Variants in SPOCK1 observed in about 807,000 individuals in gnomAD.
The protein encoded by SPOCK1 is testican-1.
A neutral mutation model predicts 55.3 loss-of-function variants in SPOCK1; 23 were observed. The observed-to-expected ratio is 0.42, with a 90% CI of 0.30 to 0.59. The LOEUF (loss-of-function observed/expected upper bound fraction) is 0.59, where lower values mean the gene tolerates loss of function less well. Ranked by LOEUF, SPOCK1 falls within the 20% of genes least tolerant of loss-of-function variation. The pLI is 0.22. For synonymous variants in SPOCK1, 226 were observed against 221.0 expected (o/e 1.02, Z -0.20); for missense variants, 499 against 552.5 (o/e 0.90, Z 0.97).
At chr5:136,988,838 G>A in intron 7 of SPOCK1, 195 bp from the exon 8 acceptor site, 1 of 495,798 alleles carries the variant, frequency 2.0e-6, no homozygotes, top group Non-Finnish European at 3.5e-6. Context: ...AAGTGAAATG[G>A]TTTAAAAGTC....
intron 2 of SPOCK1, among the ~76,000 whole-genome samples, chr5:137,492,118 T>C (rs1425179382): frequency 6.6e-6 from 1 of 152,064 alleles, no homozygotes; most frequent in Non-Finnish European, 1.5e-5. Context: ...CTACCATCCA[T>C]CAACAGTGGG....
chr5:137,033,529 C>T (rs3888550), intron 6 of SPOCK1, among the ~76,000 whole-genome samples: 17 of 152,130 alleles, frequency 1.1e-4, no homozygotes, highest in African/African-American at 3.9e-4. Context: ...TCACCTTGCA[C>T]GCTATCTGAA....
At chr5:137,449,886 C>CAAAAAAAAAAAAAAAA (rs562723108) in intron 2 of SPOCK1, among the ~76,000 whole-genome samples, 2 of 52,906 alleles carry the variant, frequency 3.8e-5, no homozygotes, top group Admixed American at 2.9e-4. Context: ...GATGCTGTCT[C>CAAAAAAAAAAAAAAAA]AAAAAAAAAA....
intron 3 of SPOCK1, among the ~76,000 whole-genome samples, chr5:137,241,912 C>T (rs909180617): frequency 6.6e-6 from 1 of 152,226 alleles, no homozygotes; most frequent in African/African-American, 2.4e-5. Flanking sequence ...AGCAGCTCCT[C>T]TTCTGGGAAT....
At chr5:137,328,501 C>T (rs1021692830) in intron 2 of SPOCK1, among the ~76,000 whole-genome samples, 2 of 152,216 alleles carry the variant, frequency 1.3e-5, no homozygotes, top group Non-Finnish European at 2.9e-5. Flanking sequence ...GGAGTTCACA[C>T]AGACAAAGCA....
intron 5 of SPOCK1, among the ~76,000 whole-genome samples, chr5:137,095,181 G>A (rs1753121266): frequency 6.6e-6 from 1 of 152,092 alleles, no homozygotes; most frequent in Non-Finnish European, 1.5e-5. Flanking sequence ...AAAAATCAGT[G>A]ATCCCAGATC....
Position 136,988,790 on chromosome 5 carries a change from G to A in SPOCK1, c.707-147C>T, listed in dbSNP as rs1230966299. 8.0e-6 allele frequency: 5 copies of A among 623,590 alleles called. No individual in the cohort carries two copies. In the South Asian group the frequency reaches 1.2e-4, roughly 15 times the overall value. The allele number at this position is 623,590 out of a possible 1,614,324, so 38.6% of individuals were successfully genotyped here. On this transcript the variant is annotated intron_variant, in intron 7 of 10. Coordinates refer to ENST00000394945, the MANE Select transcript of SPOCK1 (RefSeq NM_004598.4). ...TCCTTCCCAGCATACAGATTTAGTG[G>A]TTCTCTAGAATATTTTGTGTTTTTT...
chr5:137,464,303 A>G (rs1753553763), intron 2 of SPOCK1, among the ~76,000 whole-genome samples: 1 of 152,180 alleles, frequency 6.6e-6, no homozygotes, highest in African/African-American at 2.4e-5. Flanking sequence ...TCTTGTCTCA[A>G]ATAAATAAAT....
At chr5:136,987,112 T>G (rs1184039055) in intron 8 of SPOCK1, among the ~76,000 whole-genome samples, 3 of 152,068 alleles carry the variant, frequency 2.0e-5, no homozygotes, top group African/African-American at 7.2e-5. Flanking sequence ...GGAGCCTACT[T>G]GACTGTGTAA....
chr5:137,491,473 T>A (rs1291391281), intron 2 of SPOCK1, among the ~76,000 whole-genome samples: 1 of 152,138 alleles, frequency 6.6e-6, no homozygotes, highest in African/African-American at 2.4e-5. Flanking sequence ...GTGTGGAAAG[T>A]TCTGGCCTGG....
chr5:137,234,890 T>A (rs1756145854), intron 3 of SPOCK1, among the ~76,000 whole-genome samples: 1 of 152,216 alleles, frequency 6.6e-6, no homozygotes. Context: ...ATTCTTCCAA[T>A]AAAAATTGCT....
intron 6 of SPOCK1, among the ~76,000 whole-genome samples, chr5:137,012,204 C>T (rs943376107): frequency 6.6e-6 from 1 of 152,072 alleles, no homozygotes; most frequent in Non-Finnish European, 1.5e-5. Flanking sequence ...GAAGAAGTTA[C>T]AAAACATGTC....
intron 3 of SPOCK1, among the ~76,000 whole-genome samples, chr5:137,186,944 CT>C (rs1455486694): frequency 6.6e-6 from 1 of 152,184 alleles, no homozygotes; most frequent in Non-Finnish European, 1.5e-5. Context: ...CCCTTGGCCC[CT>C]GATCATGTCT....
intron 2 of SPOCK1, among the ~76,000 whole-genome samples, chr5:137,441,487 T>C (rs1226216162): frequency 2.0e-5 from 3 of 152,232 alleles, no homozygotes; most frequent in Admixed American, 6.5e-5. Context: ...AAATCAGCCA[T>C]CTTAGCCACC....
In SPOCK1 at chr5:137,269,656, A is replaced by C. The variant is rs138969237; in HGVS notation, c.187-2601T>G. Among the ~76,000 whole-genome samples the C allele has an allele frequency of 4.4e-4, 67 of 152,252 alleles. No homozygotes were observed. In the East Asian group the frequency reaches 0.012, roughly 27 times the overall value. On this transcript the variant is annotated intron_variant, in intron 2 of 10. Coordinates refer to ENST00000394945, the MANE Select transcript of SPOCK1 (RefSeq NM_004598.4). The stretch of plus-strand genomic sequence containing the variant: ...CAGGCTGGGCTGCATCAATTAAGTC[A>C]CTCTGTGTCTGGGAGAATTCTGGTG...
In SPOCK1 at chr5:136,977,775, C is replaced by G; in HGVS notation, c.*879G>C. On this transcript the variant is annotated 3_prime_UTR_variant, in exon 11 of 11. Transcript: ENST00000394945. ...CAATCAGAGGCTTTCAGTAACTCTGCTGATGCACAGAGAAGAGACTTCCTC... is the reference window on the plus strand; with the variant it reads ...CAATCAGAGGCTTTCAGTAACTCTGGTGATGCACAGAGAAGAGACTTCCTC... 2.5e-6 allele frequency: 1 copy of G among 398,972 alleles called. No individual in the cohort carries two copies. The highest frequency in any genetic ancestry group is 4.4e-6 in the Non-Finnish European group (1 of 226,038). 24.7% of individuals were successfully genotyped at this position (398,972 alleles called of 1,614,324 possible). A position where few individuals can be genotyped will look rare whatever the true frequency, so the allele number is the denominator to read the frequency against.
chr5:137,344,554 T>C (rs1354950984), intron 2 of SPOCK1, among the ~76,000 whole-genome samples: 2 of 152,110 alleles, frequency 1.3e-5, no homozygotes, highest in East Asian at 1.9e-4. Flanking sequence ...TGTTCACAAA[T>C]GGGGAGGGGG....
At chr5:137,443,290 G>C (rs1267022118) in intron 2 of SPOCK1, among the ~76,000 whole-genome samples, 2 of 152,142 alleles carry the variant, frequency 1.3e-5, no homozygotes, top group Admixed American at 6.5e-5. Flanking sequence ...CATGGTAACA[G>C]CTATTCCTGC....
chr5:137,421,505 T>G (rs7738019), intron 2 of SPOCK1, among the ~76,000 whole-genome samples: 12,225 of 152,180 alleles, frequency 0.08, 1,250 homozygotes, highest in African/African-American at 0.24. Flanking sequence ...TATATATTTA[T>G]GGTAGTTAGC....
Sources: gnomAD v4.1 joint callset for allele counts (sites outside exome capture counted in the v4.1 genomes callset) on GRCh38, gnomAD v4.1.1 for gene constraint, MANE v1.5 for transcripts, NCBI Gene and HGNC (gene_info 2026-07-23, HGNC 2026-07-21) for gene names.